Variants in STT3B observed in about 807,000 individuals in gnomAD.
STT3B encodes the protein STT3 oligosaccharyltransferase complex catalytic subunit B, also known as dolichyl-diphosphooligosaccharide--protein glycosyltransferase subunit STT3B.
STT3B carries 29 observed loss-of-function variants against 96.8 expected under a neutral mutation model. That is an observed-to-expected ratio of 0.30 (90% CI 0.22 to 0.41). The LOEUF (loss-of-function observed/expected upper bound fraction) is 0.41, where lower values mean the gene tolerates loss of function less well. Ranked by LOEUF, STT3B falls within the 10% of genes least tolerant of loss-of-function variation. STT3B has a pLI of 1.00. For synonymous variants in STT3B, 367 were observed against 360.0 expected, an observed-to-expected ratio of 1.02 and a Z score of -0.22; for missense variants, 640 against 1,022.3, an observed-to-expected ratio of 0.63 and a Z score of 5.10.
At chr3:31,576,911 T>C (rs1163666388) in intron 2 of STT3B, among the ~76,000 whole-genome samples, 1 of 152,164 alleles carries the variant, frequency 6.6e-6, no homozygotes, top group Non-Finnish European at 1.5e-5. Flanking sequence ...TTTCAGGCCC[T>C]GAATATGGAG....
intron 5 of STT3B, among the ~76,000 whole-genome samples, chr3:31,612,612 ACT>A (rs1270371552): frequency 6.6e-6 from 1 of 152,046 alleles, no homozygotes; most frequent in Non-Finnish European, 1.5e-5. Flanking sequence ...ATTAACTTAA[ACT>A]CTAGTGCATC....
At chr3:31,603,266 A>C (rs988577825) in intron 5 of STT3B, among the ~76,000 whole-genome samples, 1 of 152,090 alleles carries the variant, frequency 6.6e-6, no homozygotes, top group Non-Finnish European at 1.5e-5. Context: ...CCTTAAAATC[A>C]ATTGTAGCAC....
At chr3:31,577,681 ATCT>A (rs1677954039) in intron 2 of STT3B, among the ~76,000 whole-genome samples, 1 of 152,122 alleles carries the variant, frequency 6.6e-6, no homozygotes, top group Admixed American at 6.6e-5. Context: ...AGTCTGGGGC[ATCT>A]TCTTATCCTT....
chr3:31,614,971 A>G, intron 5 of STT3B, 134 bp from the exon 6 acceptor site: 1 of 516,884 alleles, frequency 1.9e-6, no homozygotes, highest in Non-Finnish European at 3.4e-6. Flanking sequence ...TGGACATCTA[A>G]TAAAAGTCAT....
At chr3:31,578,103 A>G (rs1043897415) in intron 2 of STT3B, among the ~76,000 whole-genome samples, 2 of 152,164 alleles carry the variant, frequency 1.3e-5, no homozygotes, top group African/African-American at 4.8e-5. Flanking sequence ...ACACATTTGA[A>G]TGAGTTTCAT....
chr3:31,589,874 C>A (rs972738954), intron 3 of STT3B, among the ~76,000 whole-genome samples: 1 of 151,750 alleles, frequency 6.6e-6, no homozygotes, highest in Non-Finnish European at 1.5e-5. Flanking sequence ...TCTAACATCA[C>A]GTTGGACAGG....
intron 9 of STT3B, among the ~76,000 whole-genome samples, chr3:31,621,278 G>C (rs763834153): frequency 3.3e-5 from 5 of 152,184 alleles, no homozygotes; most frequent in African/African-American, 4.8e-5. Flanking sequence ...AGTCTAAATA[G>C]TGGTTACCTT....
intron 5 of STT3B, among the ~76,000 whole-genome samples, chr3:31,601,459 T>C (rs1347393615): frequency 6.6e-6 from 1 of 152,164 alleles, no homozygotes; most frequent in Non-Finnish European, 1.5e-5. Context: ...AAAGGCCACA[T>C]AGTATATGAT....
Position 31,584,135 on chromosome 3 carries a change from A to G in STT3B, c.711+4039A>G, listed in dbSNP as rs367669269. Among the ~76,000 whole-genome samples the G allele has an allele frequency of 3.9e-4, 59 of 152,294 alleles. No homozygotes were observed. In the South Asian group the frequency reaches 0.011, roughly 29 times the overall value. ...AGGAATTCCAACTTCATTCTTTTGC[A>G]TGTGGATATCCACTTATCTTAGCAC... On this transcript the variant is annotated intron_variant, in intron 3 of 15. Transcript: ENST00000295770.
intron 1 of STT3B, among the ~76,000 whole-genome samples, chr3:31,551,586 TTTCTCATTTACCG>T (rs1476137204): frequency 6.6e-6 from 1 of 152,234 alleles, no homozygotes; most frequent in Non-Finnish European, 1.5e-5. Context: ...TACTAGTCGC[TTTCTCATTTACCG>T]TTCCCACGAA....
At chr3:31,538,692 A>G (rs917635410) in intron 1 of STT3B, among the ~76,000 whole-genome samples, 5 of 152,196 alleles carry the variant, frequency 3.3e-5, no homozygotes, top group African/African-American at 4.8e-5. Flanking sequence ...AAACATTTCC[A>G]AATAGTATAG....
intron 1 of STT3B, chr3:31,533,644 C>T: frequency 1.1e-5 from 2 of 181,386 alleles, no homozygotes; most frequent in East Asian, 1.4e-4. Context: ...TCGCAGCCCG[C>T]TTTGGTCGCT....
intron 1 of STT3B, among the ~76,000 whole-genome samples, chr3:31,568,115 C>T (rs1011500150): frequency 1.3e-5 from 2 of 151,966 alleles, no homozygotes. Context: ...AAAATTCGTC[C>T]TTCCATGCCT....
intron 3 of STT3B, among the ~76,000 whole-genome samples, chr3:31,593,264 G>T (rs556469758): frequency 6.6e-6 from 1 of 151,662 alleles, no homozygotes; most frequent in Non-Finnish European, 1.5e-5. Flanking sequence ...TTCATTTAAC[G>T]CTGTGAGTAT....
At chr3:31,567,075 CTCTA>C (rs1448436723) in intron 1 of STT3B, among the ~76,000 whole-genome samples, 1 of 152,206 alleles carries the variant, frequency 6.6e-6, no homozygotes. Context: ...ATTATGCTCT[CTCTA>C]TCCATGGGAG....
intron 1 of STT3B, among the ~76,000 whole-genome samples, chr3:31,541,737 C>A (rs182742514): frequency 6.6e-6 from 1 of 151,950 alleles, no homozygotes; most frequent in Non-Finnish European, 1.5e-5. Context: ...CGACCATGCC[C>A]GGCTAATTTT....
chr3:31,608,846 G>A (rs1053264415), intron 5 of STT3B, among the ~76,000 whole-genome samples: 5 of 152,238 alleles, frequency 3.3e-5, no homozygotes, highest in Non-Finnish European at 7.3e-5. Flanking sequence ...GCCAGGTGCA[G>A]TGGCTCACGC....
chr3:31,605,700 A>G (rs1699035464), intron 5 of STT3B, among the ~76,000 whole-genome samples: 1 of 152,194 alleles, frequency 6.6e-6, no homozygotes, highest in African/African-American at 2.4e-5. Context: ...GTATGTCTTT[A>G]TCAGCAGCAT....
intron 5 of STT3B, among the ~76,000 whole-genome samples, chr3:31,614,714 A>G (rs956124493): frequency 4.6e-4 from 36 of 78,624 alleles, no homozygotes; most frequent in Admixed American, 1.8e-3. Context: ...GGTGATGAGT[A>G]TTAAGTCGTG....
Sources: allele counts gnomAD v4.1 joint callset (sites outside exome capture counted in the v4.1 genomes callset), GRCh38; gene constraint gnomAD v4.1.1; transcripts MANE v1.5; gene names NCBI Gene and HGNC (gene_info 2026-07-23, HGNC 2026-07-21).